The following OBI1 variants were observed in gnomAD, a reference collection of about 807,000 sequenced individuals.
OBI1 encodes ring finger protein 219.
A neutral mutation model predicts 62.4 loss-of-function variants in OBI1; 59 were observed. That is an observed-to-expected ratio of 0.95 (90% CI 0.77 to 1.17). The LOEUF (loss-of-function observed/expected upper bound fraction) is 1.17, where lower values mean the gene tolerates loss of function less well. OBI1 is among the 50% of genes most tolerant of loss of function. The probability of loss-of-function intolerance (pLI) is 0.00; values close to 1 mark genes in which losing one functional copy is unlikely to be tolerated. For missense variants in OBI1, 875 were observed against 830.9 expected (o/e 1.05, Z -0.65); for synonymous variants, 302 against 292.8 (o/e 1.03, Z -0.32).
intron 5 of OBI1, among the ~76,000 whole-genome samples, chr13:78,630,749 T>A (rs1366785705): frequency 6.6e-6 from 1 of 152,184 alleles, no homozygotes; most frequent in Non-Finnish European, 1.5e-5. Context: ...GGCACCTTGA[T>A]CTTGGACTTC....
chr13:78,646,741 C>A (rs926976475), intron 1 of OBI1, among the ~76,000 whole-genome samples: 1 of 151,976 alleles, frequency 6.6e-6, no homozygotes, highest in African/African-American at 2.4e-5. Flanking sequence ...ACTGAGTATT[C>A]ATTAATTTAA....
intron 5 of OBI1, among the ~76,000 whole-genome samples, chr13:78,624,769 G>C (rs1875616171): frequency 6.6e-6 from 1 of 152,158 alleles, no homozygotes; most frequent in African/African-American, 2.4e-5. Flanking sequence ...AGGTGGATAA[G>C]GAGAAATACA....
At chr13:78,641,176 T>A (rs1876205283) in intron 3 of OBI1, among the ~76,000 whole-genome samples, 1 of 152,234 alleles carries the variant, frequency 6.6e-6, no homozygotes, top group Non-Finnish European at 1.5e-5. Context: ...TTAATTTGTT[T>A]ACCATCTGAG....
At chr13:78,619,523 C>T (rs1025955786) in intron 5 of OBI1, among the ~76,000 whole-genome samples, 5 of 151,822 alleles carry the variant, frequency 3.3e-5, no homozygotes, top group Non-Finnish European at 7.4e-5. Context: ...AGGCCACTGC[C>T]CCCAATTTCC....
At position 78,630,429 on chromosome 13, in the gene OBI1, T is replaced by C. The variant is rs962459484; in HGVS notation, c.638+4681A>G. Among the ~76,000 whole-genome samples, 4 of 152,174 alleles carry C rather than the reference T, an allele frequency of 2.6e-5. No homozygotes were observed. The East Asian group carries it at 7.7e-4, about 29-fold the overall frequency. ...TGCCAAAGTATTCTATAGTTCATGT[T>C]TTAGGATGCATTTCCAAAAGAAAAT... On this transcript the variant is annotated intron_variant, in intron 5 of 5. Coordinates refer to ENST00000282003, the MANE Select transcript of OBI1 (RefSeq NM_024546.4).
Position 78,656,641 on chromosome 13 carries a change from G to C in OBI1, c.72+2408C>G, listed in dbSNP as rs184627126. The stretch of plus-strand genomic sequence containing the variant: ...GTAACTTGTAAAAGGTTGTATGAGT[G>C]GTAAGTGGTAGATTAGATTAGAACC... On this transcript the variant is annotated intron_variant, in intron 1 of 5. Transcript: ENST00000282003. 3.0e-3 allele frequency among the ~76,000 whole-genome samples: 428 copies of C among 142,312 alleles called. 3 individuals carry two copies. Among genetic ancestry groups the C allele is most frequent in the African/African-American group, 0.011 (412 of 38,760 alleles). The allele number at this position is 142,312 out of a possible 152,430, so 93.4% of individuals were successfully genotyped here. A position where few individuals can be genotyped will look rare whatever the true frequency, so the allele number is the denominator to read the frequency against.
intron 4 of OBI1, among the ~76,000 whole-genome samples, 177 bp from the exon 5 acceptor site, chr13:78,635,375 C>G (rs1875994450): frequency 6.6e-6 from 1 of 152,160 alleles, no homozygotes; most frequent in Non-Finnish European, 1.5e-5. Context: ...CTGAATACTA[C>G]TGAGCATTTT....
chr13:78,649,499 G>T lies in OBI1; in HGVS notation c.73-4502C>A, dbSNP rs142257036. ...ACCGACAAGCACTGTTTCAGCGAATGTTGGGGATGGAAACCTGACTGGAGG... is the reference window on the plus strand; with the variant it reads ...ACCGACAAGCACTGTTTCAGCGAATTTTGGGGATGGAAACCTGACTGGAGG... On this transcript the variant is annotated intron_variant, in intron 1 of 5. Coordinates refer to ENST00000282003, the MANE Select transcript of OBI1 (RefSeq NM_024546.4). Among the ~76,000 whole-genome samples, 441 of 152,340 alleles carry T rather than the reference G, an allele frequency of 2.9e-3. 2 individuals are homozygous for T. The highest frequency in any genetic ancestry group is 0.01 in the African/African-American group (423 of 41,572).
At chr13:78,627,215 C>A (rs1185795922) in intron 5 of OBI1, among the ~76,000 whole-genome samples, 1 of 147,714 alleles carries the variant, frequency 6.8e-6, no homozygotes, top group African/African-American at 2.5e-5. Flanking sequence ...AGGACAGGAA[C>A]AAAGCGGATC....
Position 78,619,913 on chromosome 13 carries a change from T to G in OBI1, c.639-2791A>C, listed in dbSNP as rs535194520. On this transcript the variant is annotated intron_variant, in intron 5 of 5. Transcript: ENST00000282003. ...GGTCCTTGGCCTTCTTTTTACATGT[T>G]AAGTATTATGACAGTCACTGTATTA... Among the ~76,000 whole-genome samples the G allele has an allele frequency of 3.3e-5, 5 of 152,338 alleles. No individual in the cohort carries two copies. In the South Asian group the frequency reaches 1.0e-3, roughly 32 times the overall value.
At chr13:78,651,791 C>T (rs1876552500) in intron 1 of OBI1, among the ~76,000 whole-genome samples, 1 of 152,150 alleles carries the variant, frequency 6.6e-6, no homozygotes, top group African/African-American at 2.4e-5. Context: ...TACATCCTGT[C>T]TTCCTTATTA....
At chr13:78,620,471 G>T (rs903746815) in intron 5 of OBI1, 5 of 328,224 alleles carry the variant, frequency 1.5e-5, no homozygotes, top group Middle Eastern at 4.8e-4. Context: ...TAGCAGTGAT[G>T]GCCAAAGGCT....
At chr13:78,652,816 C>G (rs906958480) in intron 1 of OBI1, among the ~76,000 whole-genome samples, 2 of 152,122 alleles carry the variant, frequency 1.3e-5, no homozygotes, top group African/African-American at 4.8e-5. Flanking sequence ...ACTCCCTGCT[C>G]GCCTTCTGCT....
intron 3 of OBI1, among the ~76,000 whole-genome samples, chr13:78,641,553 A>G (rs563576605): frequency 6.6e-6 from 1 of 152,322 alleles, no homozygotes; most frequent in Non-Finnish European, 1.5e-5. Context: ...ATTTGTAAAA[A>G]TAGCATCACC....
intron 1 of OBI1, among the ~76,000 whole-genome samples, chr13:78,657,239 T>C (rs1454807458): frequency 6.6e-6 from 1 of 152,082 alleles, no homozygotes; most frequent in Non-Finnish European, 1.5e-5. Context: ...TCTTAATCTT[T>C]TTATTTTTAT....
chr13:78,619,331 T>A (rs542236582), intron 5 of OBI1, among the ~76,000 whole-genome samples: 1,786 of 50,238 alleles, frequency 0.036, 28 homozygotes, highest in African/African-American at 0.22. Flanking sequence ...CTCTATATAT[T>A]TTTTTTTTTT....
chr13:78,621,982 C>A (rs767876702), intron 5 of OBI1, among the ~76,000 whole-genome samples: 3 of 152,124 alleles, frequency 2.0e-5, no homozygotes, highest in Admixed American at 6.5e-5. Context: ...AAAAAAACCA[C>A]GAATTCTCAA....
intron 1 of OBI1, among the ~76,000 whole-genome samples, chr13:78,646,206 C>T (rs1397691765): frequency 2.0e-5 from 3 of 152,102 alleles, no homozygotes; most frequent in Non-Finnish European, 4.4e-5. Flanking sequence ...TTTATATTAC[C>T]TGATATTATA....
intron 5 of OBI1, among the ~76,000 whole-genome samples, chr13:78,627,650 C>A (rs537306829): frequency 6.6e-6 from 1 of 152,266 alleles, no homozygotes; most frequent in South Asian, 2.1e-4. Context: ...TGTATATGTA[C>A]CACATTTTCT....
Sources: gnomAD v4.1 joint callset for allele counts (sites outside exome capture counted in the v4.1 genomes callset) on GRCh38, gnomAD v4.1.1 for gene constraint, MANE v1.5 for transcripts, NCBI Gene and HGNC (gene_info 2026-07-23, HGNC 2026-07-21) for gene names.